The following SMARCC1 variants were observed in gnomAD, a reference collection of about 807,000 sequenced individuals.
SMARCC1 encodes the protein SWI/SNF related BAF chromatin remodeling complex subunit C1, also known as SWI/SNF complex subunit SMARCC1.
SMARCC1 carries 43 observed loss-of-function variants against 147.4 expected under a neutral mutation model. The observed-to-expected ratio is 0.29, with a 90% CI of 0.23 to 0.38. The LOEUF (loss-of-function observed/expected upper bound fraction) is 0.38. Ranked by LOEUF, SMARCC1 falls within the 10% of genes least tolerant of loss-of-function variation. The probability of loss-of-function intolerance (pLI) is 1.00; values close to 1 mark genes in which losing one functional copy is unlikely to be tolerated. For synonymous variants in SMARCC1, 495 were observed against 484.4 expected (o/e 1.02, Z -0.29); for missense variants, 1,119 against 1,381.1 (o/e 0.81, Z 3.01).
intron 8 of SMARCC1, among the ~76,000 whole-genome samples, chr3:47,711,269 G>A (rs1241876964): frequency 6.6e-6 from 1 of 152,174 alleles, no homozygotes; most frequent in Admixed American, 6.5e-5. Flanking sequence ...ATGGAAAAGT[G>A]ACAGTCAGAT....
At chr3:47,663,198 TG>T (rs1414580086) in intron 19 of SMARCC1, among the ~76,000 whole-genome samples, 1 of 10,284 alleles carries the variant, frequency 9.7e-5, no homozygotes, top group Admixed American at 1.3e-3. Context: ...AGGGGAGGGG[TG>T]GGGAGGGGAG....
intron 23 of SMARCC1, among the ~76,000 whole-genome samples, chr3:47,635,669 G>C (rs2032959560): frequency 6.6e-6 from 1 of 152,184 alleles, no homozygotes; most frequent in African/African-American, 2.4e-5. Context: ...AAATGCTCTA[G>C]GAACTCTAGT....
chr3:47,655,199 T>C (rs2033245454), intron 21 of SMARCC1, among the ~76,000 whole-genome samples: 3 of 152,192 alleles, frequency 2.0e-5, no homozygotes, highest in Admixed American at 2.0e-4. Context: ...GCTAGCAATT[T>C]TAATTTTTAC....
At chr3:47,769,074 G>GCA (rs1341833912) in intron 2 of SMARCC1, among the ~76,000 whole-genome samples, 1 of 151,654 alleles carries the variant, frequency 6.6e-6, no homozygotes, top group African/African-American at 2.4e-5. Context: ...AGCCAGGCAT[G>GCA]GTGGCAGGCA....
In SMARCC1 at chr3:47,760,716, G is replaced by A. The variant is rs189251377; in HGVS notation, c.315+12101C>T. ...TAACAAACAAACGTCAATCAGCTGT[G>A]CGTGGTAGCTCAAAGCAGCAATCCC... is the stretch of plus-strand genomic sequence containing the variant. On this transcript the variant is annotated intron_variant, in intron 2 of 27. Coordinates refer to ENST00000254480, the MANE Select transcript of SMARCC1 (RefSeq NM_003074.4). 2.4e-4 allele frequency among the ~76,000 whole-genome samples: 36 copies of A among 152,268 alleles called. No individual in the cohort carries two copies. The East Asian group carries it at 6.8e-3, about 29-fold the overall frequency.
intron 21 of SMARCC1, among the ~76,000 whole-genome samples, chr3:47,641,844 T>C (rs1045726735): frequency 1.3e-5 from 2 of 152,146 alleles, no homozygotes; most frequent in African/African-American, 4.8e-5. Flanking sequence ...GAGACATAGC[T>C]CACTGCAGCC....
At chr3:47,757,648 G>A (rs1349611527) in intron 2 of SMARCC1, among the ~76,000 whole-genome samples, 1 of 151,938 alleles carries the variant, frequency 6.6e-6, no homozygotes, top group Non-Finnish European at 1.5e-5. Context: ...GCCGGGCATG[G>A]CAGCATGCAC....
intron 25 of SMARCC1, among the ~76,000 whole-genome samples, chr3:47,613,921 G>C (rs2032601897): frequency 6.7e-6 from 1 of 149,098 alleles, no homozygotes; most frequent in South Asian, 2.2e-4. Flanking sequence ...AGACACAGCT[G>C]CAAGTGCAGC....
chr3:47,667,084 G>A (rs537170496), intron 19 of SMARCC1, among the ~76,000 whole-genome samples: 2 of 152,298 alleles, frequency 1.3e-5, no homozygotes, highest in African/African-American at 2.4e-5. Flanking sequence ...TTGGGATGCT[G>A]AGGTGGGCCG....
intron 27 of SMARCC1, 149 bp from the exon 28 acceptor site, chr3:47,588,455 A>C: frequency 1.4e-6 from 1 of 693,190 alleles, no homozygotes; most frequent in Non-Finnish European, 2.5e-6. Flanking sequence ...ACTGTGGTCT[A>C]TGCAAGTCAA....
intron 12 of SMARCC1, among the ~76,000 whole-genome samples, chr3:47,689,720 T>C (rs985981344): frequency 1.3e-5 from 2 of 152,214 alleles, no homozygotes; most frequent in Admixed American, 6.5e-5. Context: ...CAGGACTTGA[T>C]TACGATTCTT....
At position 47,781,729 on chromosome 3, in the gene SMARCC1, C is replaced by T. The variant is rs1490239423; in HGVS notation, c.69G>A (p.Ala23=). ...GATAAACAGCTAGGCCTGCGGCTGCCGCCGCAATCCCCGAGCCCGTGGCGC... is the reference window on the plus strand; with the variant it reads ...GATAAACAGCTAGGCCTGCGGCTGCTGCCGCAATCCCCGAGCCCGTGGCGC... ...AVGATGSGIA[A]AAAGLAVYRR... is the part of the protein sequence containing the mutation. The change falls in exon 1 of 28, where the codon GCG becomes GCA. Residue 23 remains alanine (A), a synonymous_variant. Coordinates refer to ENST00000254480, the MANE Select transcript of SMARCC1 (RefSeq NM_003074.4). 6.4e-6 allele frequency: 10 copies of T among 1,554,580 alleles called. No homozygotes were observed. Among genetic ancestry groups the T allele is most frequent in the Admixed American group, 2.0e-5 (1 of 50,880 alleles).
intron 21 of SMARCC1, among the ~76,000 whole-genome samples, chr3:47,646,006 T>C (rs1373000647): frequency 6.6e-6 from 1 of 152,152 alleles, no homozygotes; most frequent in Non-Finnish European, 1.5e-5. Flanking sequence ...CTCGGACTTT[T>C]AAGGTGATGT....
intron 21 of SMARCC1, among the ~76,000 whole-genome samples, chr3:47,651,634 G>T (rs2033192020): frequency 1.3e-5 from 2 of 152,152 alleles, no homozygotes; most frequent in South Asian, 2.1e-4. Flanking sequence ...GACTTTCCCT[G>T]ATCATTTAAA....
intron 11 of SMARCC1, among the ~76,000 whole-genome samples, chr3:47,693,891 G>A (rs2033818883): frequency 6.6e-6 from 1 of 152,084 alleles, no homozygotes. Context: ...TCGAACTCCT[G>A]AGCTCATGCA....
At chr3:47,704,671 C>T (rs1051706998) in intron 10 of SMARCC1, among the ~76,000 whole-genome samples, 1 of 151,934 alleles carries the variant, frequency 6.6e-6, no homozygotes. Flanking sequence ...AATCCCAACA[C>T]GTTGGGAGGC....
chr3:47,642,353 G>A (rs1023114039), intron 21 of SMARCC1, among the ~76,000 whole-genome samples: 2 of 152,170 alleles, frequency 1.3e-5, no homozygotes, highest in African/African-American at 4.8e-5. Flanking sequence ...ACTTTGGGAG[G>A]CCAAGGCAGG....
intron 7 of SMARCC1, among the ~76,000 whole-genome samples, chr3:47,720,132 G>C (rs1477629837): frequency 6.6e-6 from 1 of 151,826 alleles, no homozygotes; most frequent in Non-Finnish European, 1.5e-5. Context: ...TTTTGTTTTT[G>C]GTTTTTTTTG....
At chr3:47,763,294 G>A (rs867163854) in intron 2 of SMARCC1, among the ~76,000 whole-genome samples, 4 of 150,652 alleles carry the variant, frequency 2.7e-5, no homozygotes, top group African/African-American at 7.3e-5. Context: ...TTACAGGCAT[G>A]AGCCACCACA....
Sources: gnomAD v4.1 joint callset for allele counts (sites outside exome capture counted in the v4.1 genomes callset) on GRCh38, gnomAD v4.1.1 for gene constraint, MANE v1.5 for transcripts, NCBI Gene and HGNC (gene_info 2026-07-23, HGNC 2026-07-21) for gene names.